Variants in ZFHX3 observed in about 807,000 individuals in gnomAD.
ZFHX3 encodes zinc finger homeobox protein 3.
A neutral mutation model predicts 279.1 loss-of-function variants in ZFHX3; 42 were observed. The ratio of observed to expected loss-of-function variants is 0.15; its 90% CI spans 0.12 to 0.19. The LOEUF (loss-of-function observed/expected upper bound fraction) is 0.19. Among genes scored for constraint, ZFHX3 ranks in the 10% least tolerant of loss-of-function variants. The pLI, the probability that ZFHX3 is intolerant of heterozygous loss-of-function variation, is 1.00. For synonymous variants in ZFHX3, 2,293 were observed against 1,957.8 expected, an observed-to-expected ratio of 1.17 and a Z score of -4.52; for missense variants, 4,981 against 4,754.0, an observed-to-expected ratio of 1.05 and a Z score of -1.40.
At chr16:73,674,859 C>T (rs2052938837) in intron 2 of ZFHX3, among the ~76,000 whole-genome samples, 1 of 152,192 alleles carries the variant, frequency 6.6e-6, no homozygotes, top group South Asian at 2.1e-4. Context: ...CTGACTATAA[C>T]CACAGGAATG....
chr16:73,582,333 T>A (rs1597011020), intron 2 of ZFHX3, among the ~76,000 whole-genome samples: 1 of 151,872 alleles, frequency 6.6e-6, no homozygotes, highest in Non-Finnish European at 1.5e-5. Flanking sequence ...CTAAACTTTA[T>A]AAACCTAAAG....
chr16:73,220,355 A>C (rs1006890267), intron 5 of ZFHX3, among the ~76,000 whole-genome samples: 3 of 152,174 alleles, frequency 2.0e-5, no homozygotes, highest in African/African-American at 7.2e-5. Flanking sequence ...ATAAAAGTTG[A>C]AATTATTAAA....
chr16:73,492,681 T>G (rs961567295), intron 2 of ZFHX3, among the ~76,000 whole-genome samples: 2 of 152,212 alleles, frequency 1.3e-5, no homozygotes, highest in Non-Finnish European at 2.9e-5. Context: ...TCCTCCAGCC[T>G]AAACCCTGGC....
chr16:73,045,819 T>A (rs1965278571), intron 1 of ZFHX3, among the ~76,000 whole-genome samples: 1 of 145,278 alleles, frequency 6.9e-6, no homozygotes, highest in Admixed American at 6.8e-5. Context: ...GGGGGGTTGT[T>A]GAGAGAGGGA....
At chr16:73,212,843 T>A (rs140461023) in intron 5 of ZFHX3, among the ~76,000 whole-genome samples, 1 of 152,340 alleles carries the variant, frequency 6.6e-6, no homozygotes, top group Non-Finnish European at 1.5e-5. Flanking sequence ...GGATCTTGGG[T>A]AAGTGACTTT....
At chr16:73,647,043 G>A (rs182642996) in intron 2 of ZFHX3, among the ~76,000 whole-genome samples, 12 of 142,436 alleles carry the variant, frequency 8.4e-5, no homozygotes, top group East Asian at 2.1e-4. Flanking sequence ...TTTTTGAGAC[G>A]GAACTCTGTT....
chr16:73,845,202 G>A (rs1961418111), intron 1 of ZFHX3, among the ~76,000 whole-genome samples: 1 of 152,172 alleles, frequency 6.6e-6, no homozygotes, highest in Admixed American at 6.5e-5. Context: ...GTTCGTGGAG[G>A]ACCTGGAACC....
intron 1 of ZFHX3, among the ~76,000 whole-genome samples, chr16:73,825,816 A>G (rs1960873229): frequency 1.3e-5 from 1 of 77,168 alleles, no homozygotes; most frequent in Non-Finnish European, 2.4e-5. Flanking sequence ...CTTGTAGTAT[A>G]GTTTGAAGTC....
At chr16:73,481,465 C>T (rs1455769204) in intron 2 of ZFHX3, among the ~76,000 whole-genome samples, 1 of 152,116 alleles carries the variant, frequency 6.6e-6, no homozygotes, top group Non-Finnish European at 1.5e-5. Flanking sequence ...AAGAGGGTCT[C>T]ACTCTATTGC....
At chr16:73,520,325 T>C (rs2019590133) in intron 2 of ZFHX3, among the ~76,000 whole-genome samples, 1 of 152,242 alleles carries the variant, frequency 6.6e-6, no homozygotes. Flanking sequence ...TGGAATTATA[T>C]AATCCTTTGT....
intron 4 of ZFHX3, among the ~76,000 whole-genome samples, chr16:73,285,242 G>C (rs1234548208): frequency 6.6e-6 from 1 of 152,188 alleles, no homozygotes; most frequent in African/African-American, 2.4e-5. Context: ...TTAGGATATC[G>C]ATGCTCTGTG....
At chr16:73,069,479 C>T (rs549998738) in intron 8 of ZFHX3, among the ~76,000 whole-genome samples, 4 of 152,188 alleles carry the variant, frequency 2.6e-5, no homozygotes, top group South Asian at 4.2e-4. Context: ...ATCGTGCACA[C>T]CCAAATTAGC....
rs61261151 is a variant in ZFHX3, at chr16:73,716,647, ACACGCATG to A, written c.-1607-36415_-1607-36408del. 8.8e-3 allele frequency among the ~76,000 whole-genome samples: 398 copies of A among 45,060 alleles called. 3 individuals carry two copies. Among genetic ancestry groups the A allele is most frequent in the African/African-American group, 0.019 (275 of 14,754 alleles). The allele number at this position is 45,060 out of a possible 152,430, so 29.6% of individuals were successfully genotyped here. ...CACACACACACACACACACACACAC[ACACGCATG>A]CACGCACGCACAGACCTAACCGCCC... is the stretch of plus-strand genomic sequence containing the variant. On this transcript the variant is annotated intron_variant, in intron 1 of 17. Transcript: ENST00000641206.
intron 2 of ZFHX3, among the ~76,000 whole-genome samples, chr16:73,634,307 T>C (rs979463733): frequency 6.6e-6 from 1 of 151,740 alleles, no homozygotes; most frequent in Admixed American, 6.6e-5. Context: ...AGAGAAGTTT[T>C]CACATATAAG....
chr16:73,167,315 C>T (rs558363050), intron 5 of ZFHX3, among the ~76,000 whole-genome samples: 1 of 152,288 alleles, frequency 6.6e-6, no homozygotes, highest in South Asian at 2.1e-4. Context: ...CTGGACCAGC[C>T]CCCCTCCCTC....
intron 1 of ZFHX3, among the ~76,000 whole-genome samples, chr16:73,845,991 G>T (rs926868178): frequency 1.3e-5 from 2 of 152,036 alleles, no homozygotes; most frequent in Non-Finnish European, 2.9e-5. Flanking sequence ...TAGAGACAGG[G>T]TCTTACCATA....
At chr16:73,784,787 A>T (rs1036386459) in intron 1 of ZFHX3, among the ~76,000 whole-genome samples, 8 of 91,928 alleles carry the variant, frequency 8.7e-5, no homozygotes, top group African/African-American at 5.6e-4. Context: ...TTAACAAAAT[A>T]AAAAAAAAAA....
chr16:73,720,743 A>T (rs573328322), intron 1 of ZFHX3, among the ~76,000 whole-genome samples: 14 of 152,282 alleles, frequency 9.2e-5, no homozygotes, highest in Middle Eastern at 6.8e-3. Context: ...ATTTTTTCCA[A>T]ATTTTCTACA....
At chr16:72,870,282 C>G (rs2038122808) in intron 4 of ZFHX3, among the ~76,000 whole-genome samples, 2 of 152,004 alleles carry the variant, frequency 1.3e-5, no homozygotes, top group Non-Finnish European at 1.5e-5. Context: ...GTCCCAGGTA[C>G]TCAGGAGGCT....
Sources: allele counts gnomAD v4.1 joint callset (sites outside exome capture counted in the v4.1 genomes callset), GRCh38; gene constraint gnomAD v4.1.1; transcripts MANE v1.5; gene names NCBI Gene and HGNC (gene_info 2026-07-23, HGNC 2026-07-21).